PTPRG: variants seen among roughly 807,000 people sequenced by gnomAD.
The protein encoded by PTPRG is protein tyrosine phosphatase receptor type G.
A neutral mutation model predicts 165.3 loss-of-function variants in PTPRG; 102 were observed. The observed-to-expected ratio is 0.62, with a 90% CI of 0.53 to 0.73. The LOEUF is 0.73. PTPRG is among the 30% of genes least tolerant of loss of function. PTPRG has a pLI of 0.00. For missense variants in PTPRG, 1,866 were observed against 1,861.4 expected, an observed-to-expected ratio of 1.00 and a Z score of -0.05; for synonymous variants, 675 against 669.5, an observed-to-expected ratio of 1.01 and a Z score of -0.13.
Position 62,213,676 on chromosome 3 carries a change from G to A in PTPRG, c.2156-5175G>A, listed in dbSNP as rs1700422579. Among the ~76,000 whole-genome samples the A allele has an allele frequency of 6.6e-6, 1 of 152,142 alleles. No individual in the cohort carries two copies. The highest frequency in any genetic ancestry group is 2.1e-4 in the South Asian group (1 of 4,816). ...AGAATTGCCCATCTTGTGGCACGCT[G>A]CAGCTGTTGTACCGAAAGGCCTACA... is the stretch of plus-strand genomic sequence containing the variant. On this transcript the variant is annotated intron_variant, in intron 12 of 29. Coordinates refer to ENST00000474889, the MANE Select transcript of PTPRG (RefSeq NM_002841.4). This position sits in a 1 kb window ranked among gnomAD's most constrained non-coding sequence, Gnocchi z 4.4.
chr3:61,583,625 A>T (rs975457947), intron 1 of PTPRG, among the ~76,000 whole-genome samples: 1 of 152,066 alleles, frequency 6.6e-6, no homozygotes, highest in Admixed American at 6.5e-5. Flanking sequence ...TCTTGATGGG[A>T]TCATCTGCTG....
Position 61,901,592 on chromosome 3 carries a change from C to T in PTPRG, c.191-88033C>T, listed in dbSNP as rs143898383. ...ATGCTTCCCAATTTCAACTGCAGTT[C>T]CCTCAGTCCACAGAGAAGTGTTCTT... is the stretch of plus-strand genomic sequence containing the variant. On this transcript the variant is annotated intron_variant, in intron 2 of 29. Transcript: ENST00000474889. Among the ~76,000 whole-genome samples, 73 of 152,298 alleles carry T rather than the reference C, an allele frequency of 4.8e-4. 1 individual carries two copies. In the East Asian group the frequency reaches 6.6e-3, roughly 14 times the overall value.
intron 1 of PTPRG, among the ~76,000 whole-genome samples, chr3:61,719,708 G>C (rs933029338): frequency 6.6e-6 from 1 of 152,108 alleles, no homozygotes; most frequent in Admixed American, 6.5e-5. Context: ...TCTGAATTGA[G>C]GCCATGTGTG....
At position 61,630,929 on chromosome 3, in the gene PTPRG, G is replaced by A. The variant is rs573281297; in HGVS notation, c.85+68557G>A. Among the ~76,000 whole-genome samples the A allele has an allele frequency of 1.4e-4, 22 of 152,104 alleles. No individual in the cohort carries two copies. In the South Asian group the frequency reaches 4.2e-3, roughly 29 times the overall value. Reference sequence around the variant, plus strand: ...AAATTAGCCAGGCGTTGTGGCACGCGCCTGTAGTCCCAGCTACTCGGGAGG... The same window carrying A: ...AAATTAGCCAGGCGTTGTGGCACGCACCTGTAGTCCCAGCTACTCGGGAGG... On this transcript the variant is annotated intron_variant, in intron 1 of 29. Transcript: ENST00000474889.
At chr3:61,910,072 C>G (rs1002115127) in intron 2 of PTPRG, among the ~76,000 whole-genome samples, 1 of 152,088 alleles carries the variant, frequency 6.6e-6, no homozygotes, top group Non-Finnish European at 1.5e-5. Flanking sequence ...TTTTAATTCA[C>G]TTATTTTTGT....
At chr3:61,954,927 C>A (rs893019243) in intron 2 of PTPRG, among the ~76,000 whole-genome samples, 1 of 152,102 alleles carries the variant, frequency 6.6e-6, no homozygotes, top group African/African-American at 2.4e-5. Flanking sequence ...TGAACAGTAC[C>A]AACATGTCCT....
intron 1 of PTPRG, among the ~76,000 whole-genome samples, chr3:61,725,539 G>A (rs2032222271): frequency 6.6e-6 from 1 of 152,062 alleles, no homozygotes; most frequent in Non-Finnish European, 1.5e-5. Flanking sequence ...CTCCTTCTGG[G>A]TTCTCTATTC....
At chr3:61,902,882 A>G (rs1393885550) in intron 2 of PTPRG, among the ~76,000 whole-genome samples, 1 of 152,182 alleles carries the variant, frequency 6.6e-6, no homozygotes, top group East Asian at 1.9e-4. Flanking sequence ...TATCAGGGAT[A>G]TAATGTGGAC....
intron 1 of PTPRG, among the ~76,000 whole-genome samples, chr3:61,705,642 G>A (rs2031209673): frequency 6.6e-6 from 1 of 152,186 alleles, no homozygotes; most frequent in Non-Finnish European, 1.5e-5. Context: ...GGTGTTATGG[G>A]CCTTATTCTT....
rs76736433 is a variant in PTPRG, at chr3:61,706,141, C to T, written c.86-42737C>T. ...GCCATCTATCGACACTTTGCAGTGC[C>T]TTAAAGAGAGCTTTTAAAATTTTGG... On this transcript the variant is annotated intron_variant, in intron 1 of 29. Transcript: ENST00000474889. Among the ~76,000 whole-genome samples the T allele has an allele frequency of 3.9e-3, 599 of 152,058 alleles. 6 individuals carry two copies. Among genetic ancestry groups the T allele is most frequent in the African/African-American group, 0.014 (571 of 41,490 alleles).
At position 62,267,732 on chromosome 3, in the gene PTPRG, G is replaced by A. The variant is rs201105086; in HGVS notation, c.2787G>A (p.Lys929=). The A allele has an allele frequency of 5.0e-6, 8 of 1,613,498 alleles. 1 individual carries two copies. The East Asian group carries it at 1.1e-4, about 22-fold the overall frequency. ...KAYIATQGPL[K]STFEDFWRMI... ...ACATTGCCACCCAAGGACCTTTGAA[G>A]TCTACATTTGAAGATTTCTGGAGGA... is the stretch of plus-strand genomic sequence containing the variant. Residue 929 remains lysine, a synonymous_variant, in exon 19 of 30, where the codon AAG becomes AAA. Coordinates refer to ENST00000474889, the MANE Select transcript of PTPRG (RefSeq NM_002841.4).
At chr3:61,662,673 T>A (rs1702698528) in intron 1 of PTPRG, among the ~76,000 whole-genome samples, 1 of 152,218 alleles carries the variant, frequency 6.6e-6, no homozygotes, top group Non-Finnish European at 1.5e-5. Context: ...AAGAAGATGA[T>A]GGTCCTTGGC....
chr3:61,956,932 C>A (rs2040046689), intron 2 of PTPRG, among the ~76,000 whole-genome samples: 1 of 152,124 alleles, frequency 6.6e-6, no homozygotes. Flanking sequence ...TGTCTCTGTG[C>A]TTTGCCTCTT....
In PTPRG at chr3:61,911,426, A is replaced by C. The variant is rs143491952; in HGVS notation, c.191-78199A>C. ...TATGTTATTTTTACTAAATATTTGA[A>C]CCTATTTTTCCATTTGGGACTACTT... On this transcript the variant is annotated intron_variant, in intron 2 of 29. Transcript: ENST00000474889. 4.9e-4 allele frequency among the ~76,000 whole-genome samples: 74 copies of C among 152,254 alleles called. 1 individual carries two copies. The East Asian group carries it at 6.8e-3, about 14-fold the overall frequency.
chr3:62,268,624 GTC>G (rs1701962248), intron 19 of PTPRG, among the ~76,000 whole-genome samples: 1 of 152,138 alleles, frequency 6.6e-6, no homozygotes, highest in Non-Finnish European at 1.5e-5. Context: ...AATAAGAAGA[GTC>G]TCACAGTTAG....
chr3:62,223,129 G>A (rs895783661), intron 13 of PTPRG, among the ~76,000 whole-genome samples: 16 of 152,082 alleles, frequency 1.1e-4, no homozygotes, highest in African/African-American at 3.9e-4. Flanking sequence ...GCAGAGTGTG[G>A]GGACAGCAAG....
intron 5 of PTPRG, among the ~76,000 whole-genome samples, chr3:62,086,858 G>A (rs962106717): frequency 1.4e-5 from 2 of 144,086 alleles, no homozygotes; most frequent in African/African-American, 5.6e-5. Flanking sequence ...AGCCTATCAG[G>A]TGTTTTCAGC....
intron 26 of PTPRG, 25 bp from the exon 27 acceptor site, chr3:62,281,538 C>CTGTTTTTTTTTTTTTTTTTTTTTTT: frequency 1.5e-5 from 9 of 620,520 alleles, no homozygotes; most frequent in Non-Finnish European, 1.7e-5. Context: ...ACTGCAGAGG[C>CTGTTTTTTTTTTTTTTTTTTTTTTT]TTTTTTTTTT....
chr3:62,259,540 A>G (rs1345126597), intron 16 of PTPRG, among the ~76,000 whole-genome samples: 1 of 152,214 alleles, frequency 6.6e-6, no homozygotes, highest in African/African-American at 2.4e-5. Context: ...TAGTTTCCTC[A>G]GCGTTTTTGA....
Sources: gnomAD v4.1 joint callset for allele counts (sites outside exome capture counted in the v4.1 genomes callset) on GRCh38, gnomAD v4.1.1 for gene constraint, Gnocchi (gnomAD v3.1) non-coding constraint, MANE v1.5 for transcripts, NCBI Gene and HGNC (gene_info 2026-07-23, HGNC 2026-07-21) for gene names.